TENM4: variants seen among roughly 807,000 people sequenced by gnomAD.
TENM4 encodes the protein teneurin-4.
Under a neutral mutation model 243.3 loss-of-function variants are expected in TENM4, and 82 were observed. The ratio of observed to expected loss-of-function variants is 0.34; its 90% confidence interval spans 0.28 to 0.40. TENM4 has a LOEUF of 0.40. Among genes scored for constraint, TENM4 ranks in the 10% least tolerant of loss-of-function variants. TENM4 has a pLI of 1.00. For missense variants in TENM4, 3,138 were observed against 3,673.3 expected (o/e 0.85, Z 3.77); for synonymous variants, 1,412 against 1,456.3 (o/e 0.97, Z 0.69).
At chr11:79,181,158 C>T (rs964972361) in intron 3 of TENM4, among the ~76,000 whole-genome samples, 3 of 152,020 alleles carry the variant, frequency 2.0e-5, no homozygotes. Context: ...CTACAGGCCA[C>T]TATCTCTCAG....
At chr11:79,121,990 C>A (rs1861754390) in intron 4 of TENM4, among the ~76,000 whole-genome samples, 1 of 152,172 alleles carries the variant, frequency 6.6e-6, no homozygotes, top group African/African-American at 2.4e-5. Flanking sequence ...AACCTTTTAT[C>A]ATAGGATAAC....
chr11:78,706,741 T>C (rs979899751), intron 27 of TENM4, among the ~76,000 whole-genome samples: 1 of 152,152 alleles, frequency 6.6e-6, no homozygotes, highest in Non-Finnish European at 1.5e-5. Flanking sequence ...TTTTCCGATG[T>C]GTGGACTGAA....
At chr11:78,664,098 G>A (rs746780732) in intron 32 of TENM4, among the ~76,000 whole-genome samples, 3 of 152,166 alleles carry the variant, frequency 2.0e-5, no homozygotes, top group African/African-American at 7.2e-5. Flanking sequence ...TGTGAACTCC[G>A]ACAGTTTACT....
intron 1 of TENM4, among the ~76,000 whole-genome samples, chr11:79,321,047 T>C (rs1425132729): frequency 6.6e-6 from 1 of 152,234 alleles, no homozygotes; most frequent in East Asian, 1.9e-4. Flanking sequence ...CTAGCAATTA[T>C]TCTATCTCAG....
At chr11:79,223,216 G>A (rs1309841533) in intron 2 of TENM4, among the ~76,000 whole-genome samples, 1 of 152,114 alleles carries the variant, frequency 6.6e-6, no homozygotes, top group Non-Finnish European at 1.5e-5. Flanking sequence ...TGCAAGAACT[G>A]CCTGTAAAAA....
intron 6 of TENM4, among the ~76,000 whole-genome samples, chr11:79,025,689 G>T (rs12795769): frequency 0.16 from 23,990 of 152,188 alleles, 2,472 homozygotes; most frequent in Non-Finnish European, 0.22. Flanking sequence ...TGGCTCCCCA[G>T]TGTGGGCATT....
chr11:79,395,769 G>A (rs1352189075), intron 1 of TENM4, among the ~76,000 whole-genome samples: 1 of 152,158 alleles, frequency 6.6e-6, no homozygotes, highest in African/African-American at 2.4e-5. Context: ...GCCTTGGGGG[G>A]ATTTTGAGTT....
intron 4 of TENM4, among the ~76,000 whole-genome samples, chr11:79,084,797 G>A (rs1001506832): frequency 6.6e-6 from 1 of 152,102 alleles, no homozygotes; most frequent in Non-Finnish European, 1.5e-5. Context: ...TGTCTTGACT[G>A]CATATACTCA....
chr11:78,855,291 T>A (rs1271396838), intron 11 of TENM4, among the ~76,000 whole-genome samples: 2 of 152,240 alleles, frequency 1.3e-5, no homozygotes, highest in African/African-American at 2.4e-5. Flanking sequence ...TGAATGCCTA[T>A]GATTTACATT....
chr11:79,378,636 G>C (rs1467952883), intron 1 of TENM4, among the ~76,000 whole-genome samples: 1 of 151,972 alleles, frequency 6.6e-6, no homozygotes, highest in South Asian at 2.1e-4. Flanking sequence ...TTGAATCCTC[G>C]AACCACCACT....
At chr11:79,226,266 A>G (rs1326889219) in intron 2 of TENM4, among the ~76,000 whole-genome samples, 1 of 152,208 alleles carries the variant, frequency 6.6e-6, no homozygotes, top group Non-Finnish European at 1.5e-5. Context: ...GTACAAACTT[A>G]GGAACCCTTT....
chr11:79,068,669 G>A (rs1860331015), intron 5 of TENM4, among the ~76,000 whole-genome samples: 1 of 152,166 alleles, frequency 6.6e-6, no homozygotes, highest in African/African-American at 2.4e-5. Context: ...ATCAGGGTGG[G>A]CTGCACAAAT....
At chr11:79,099,751 G>A (rs1338901310) in intron 4 of TENM4, among the ~76,000 whole-genome samples, 1 of 152,174 alleles carries the variant, frequency 6.6e-6, no homozygotes, top group Non-Finnish European at 1.5e-5. Flanking sequence ...ATAAAAGTTG[G>A]CCATAGCCAT....
At chr11:78,897,036 T>G (rs1048359225) in intron 7 of TENM4, among the ~76,000 whole-genome samples, 1 of 152,156 alleles carries the variant, frequency 6.6e-6, no homozygotes, top group African/African-American at 2.4e-5. Context: ...AGTGGCTGGC[T>G]CACTGTGCCT....
chr11:79,018,459 C>T (rs977320511), intron 6 of TENM4, among the ~76,000 whole-genome samples: 7 of 152,280 alleles, frequency 4.6e-5, no homozygotes, highest in Non-Finnish European at 7.3e-5. Context: ...CATGCACACA[C>T]ACACACACAT....
At chr11:79,268,119 G>A (rs897559248) in intron 2 of TENM4, among the ~76,000 whole-genome samples, 1 of 152,182 alleles carries the variant, frequency 6.6e-6, no homozygotes, top group African/African-American at 2.4e-5. Context: ...TTCTGGTATT[G>A]AGACAAGAGA....
intron 19 of TENM4, among the ~76,000 whole-genome samples, chr11:78,741,026 G>T (rs1345569969): frequency 6.6e-6 from 1 of 152,180 alleles, no homozygotes; most frequent in African/African-American, 2.4e-5. Flanking sequence ...ACAGGCATTT[G>T]GCTCAGGAAT....
At chr11:79,146,978 AAC>A (rs2135046680) in intron 4 of TENM4, among the ~76,000 whole-genome samples, 1 of 151,324 alleles carries the variant, frequency 6.6e-6, no homozygotes, top group Admixed American at 6.6e-5. Context: ...CATATGCACA[AAC>A]ACACACGTGT....
chr11:78,752,193 C>T (rs774448797), intron 19 of TENM4, among the ~76,000 whole-genome samples: 37 of 152,352 alleles, frequency 2.4e-4, no homozygotes, highest in Non-Finnish European at 4.4e-4. Flanking sequence ...GGACCCAGCA[C>T]TGTGCGGGGC....
Sources: gnomAD v4.1 joint callset for allele counts (sites outside exome capture counted in the v4.1 genomes callset) on GRCh38, gnomAD v4.1.1 for gene constraint, MANE v1.5 for transcripts, NCBI Gene and HGNC (gene_info 2026-07-23, HGNC 2026-07-21) for gene names.